Variants in SLC38A9 observed in about 807,000 individuals in gnomAD.
SLC38A9 encodes solute carrier family 38 member 9.
A neutral mutation model predicts 62.3 loss-of-function variants in SLC38A9; 48 were observed. That is an observed-to-expected ratio of 0.77 (90% CI 0.61 to 0.98). The LOEUF (loss-of-function observed/expected upper bound fraction) is 0.98, where lower values mean the gene tolerates loss of function less well. Among genes scored for constraint, SLC38A9 ranks in the 50% least tolerant of loss-of-function variants. The pLI is 0.00. For missense variants in SLC38A9, 541 were observed against 679.8 expected (o/e 0.80, Z 2.27); for synonymous variants, 204 against 227.7 (o/e 0.90, Z 0.94).
At chr5:55,670,215 G>A (rs1318837224) in intron 4 of SLC38A9, among the ~76,000 whole-genome samples, 1 of 151,946 alleles carries the variant, frequency 6.6e-6, no homozygotes, top group Non-Finnish European at 1.5e-5. Flanking sequence ...TGATCCACCC[G>A]CCTCGGCCTC....
At chr5:55,672,323 G>T (rs1751459911) in intron 4 of SLC38A9, among the ~76,000 whole-genome samples, 1 of 152,162 alleles carries the variant, frequency 6.6e-6, no homozygotes, top group Non-Finnish European at 1.5e-5. Context: ...GGGATCAGGA[G>T]AATTTAATCC....
Position 55,684,476 on chromosome 5 carries a change from A to G in SLC38A9, c.114-11781T>C, listed in dbSNP as rs2897882. On this transcript the variant is annotated intron_variant, in intron 3 of 15. Transcript: ENST00000396865. ...TTGAGATGAGTTAAAGTTGGGCTTC[A>G]GTTCCTGAAAGGAGGCCATTCTATT... Among the ~76,000 whole-genome samples, 946 of 151,846 alleles carry G rather than the reference A, an allele frequency of 6.2e-3. 10 individuals are homozygous for G. The highest frequency in any genetic ancestry group is 0.022 in the African/African-American group (917 of 41,452).
chr5:55,639,341 T>C (rs1042858206), intron 12 of SLC38A9, among the ~76,000 whole-genome samples: 1 of 150,560 alleles, frequency 6.6e-6, no homozygotes, highest in African/African-American at 2.4e-5. Context: ...CTGCATTTCG[T>C]GGGAAAAAAA....
intron 8 of SLC38A9, among the ~76,000 whole-genome samples, chr5:55,659,305 GTATA>G (rs1185017467): frequency 8.2e-5 from 12 of 146,746 alleles, no homozygotes; most frequent in Non-Finnish European, 1.6e-4. Flanking sequence ...GTCTGTGTAC[GTATA>G]TATAATTACA....
At chr5:55,645,003 C>T (rs1267065166) in intron 12 of SLC38A9, among the ~76,000 whole-genome samples, 4 of 151,984 alleles carry the variant, frequency 2.6e-5, no homozygotes, top group African/African-American at 4.8e-5. Context: ...TTACTGAGAA[C>T]GGTGATTTCC....
At chr5:55,691,957 G>C (rs1368791767) in intron 3 of SLC38A9, among the ~76,000 whole-genome samples, 3 of 152,278 alleles carry the variant, frequency 2.0e-5, no homozygotes, top group Admixed American at 2.0e-4. Flanking sequence ...CATACTTTCA[G>C]TCCAAAGCAG....
chr5:55,676,289 T>C (rs11746664), intron 3 of SLC38A9, among the ~76,000 whole-genome samples: 90,939 of 151,890 alleles, frequency 0.6, 27,812 homozygotes, highest in South Asian at 0.7. Flanking sequence ...CCTGCCTCAG[T>C]CTCAGCCTCC....
Position 55,649,264 on chromosome 5 carries a change from G to T in SLC38A9, c.1003C>A (p.Arg335Ser). Residue 335 changes from arginine to serine, a missense_variant, in exon 11 of 16, where the codon CGC becomes AGC. Arg to Ser is a moderately radical substitution (Grantham distance 110). Coordinates refer to ENST00000396865, the MANE Select transcript of SLC38A9 (RefSeq NM_173514.4). ...TGAAATTCCAAATGAAATCCCAAGC[G>T]AACAGCCTTAAAGGTGACAAGGAAA... The part of the protein sequence containing the change: ...LIFLVTFKAV[R>S]LGFHLEFHWF... 1 of 1,608,490 alleles carries T rather than the reference G, an allele frequency of 6.2e-7. No homozygotes were observed. Among genetic ancestry groups the T allele is most frequent in the Non-Finnish European group, 8.5e-7 (1 of 1,177,728 alleles).
chr5:55,701,870 C>A (rs1177057419), intron 2 of SLC38A9, among the ~76,000 whole-genome samples: 1 of 152,168 alleles, frequency 6.6e-6, no homozygotes, highest in Admixed American at 6.5e-5. Flanking sequence ...GAATTAAAAA[C>A]GAGGCAGTCT....
chr5:55,699,069 C>A (rs1448572126), intron 2 of SLC38A9, among the ~76,000 whole-genome samples: 8 of 152,052 alleles, frequency 5.3e-5, no homozygotes, highest in Admixed American at 5.2e-4. Context: ...GCCTGGCCAA[C>A]ATGGTGAAAC....
At chr5:55,637,955 T>C (rs1034292160) in intron 12 of SLC38A9, among the ~76,000 whole-genome samples, 1 of 151,386 alleles carries the variant, frequency 6.6e-6, no homozygotes, top group Admixed American at 6.6e-5. Flanking sequence ...TCCAGTGCAA[T>C]TGTGTCATAG....
At chr5:55,669,198 T>C (rs1329310913) in intron 7 of SLC38A9, 30 bp downstream of exon 7, 1 of 1,524,106 alleles carries the variant, frequency 6.6e-7, no homozygotes. Flanking sequence ...TTAATACCCA[T>C]AATCTATTGT....
intron 3 of SLC38A9, among the ~76,000 whole-genome samples, chr5:55,687,161 C>T (rs532352170): frequency 5.3e-5 from 8 of 150,106 alleles, no homozygotes; most frequent in African/African-American, 2.0e-4. Flanking sequence ...TTTTCTAGGC[C>T]GGGCGCGGTG....
intron 3 of SLC38A9, among the ~76,000 whole-genome samples, chr5:55,683,464 G>A (rs537436284): frequency 6.6e-6 from 1 of 152,122 alleles, no homozygotes; most frequent in Non-Finnish European, 1.5e-5. Flanking sequence ...GAATAACTTT[G>A]TTCTCATTAG....
chr5:55,711,983 C>G (rs995532158), intron 1 of SLC38A9, among the ~76,000 whole-genome samples: 21 of 152,350 alleles, frequency 1.4e-4, no homozygotes, highest in African/African-American at 4.8e-4. Flanking sequence ...GGACTCCTGA[C>G]TTTCTTTCCC....
rs779725842 is a variant in SLC38A9 at position 55,645,804 on chromosome 5, CTTG to C, written c.1149_1151del (p.Asn383del). On this transcript the variant is annotated inframe_deletion, in exon 12 of 16. Coordinates refer to ENST00000396865, the MANE Select transcript of SLC38A9 (RefSeq NM_173514.4). The stretch of plus-strand genomic sequence containing the variant: ...AATTACTCACATTGTTTTCTTGTTT[CTTG>C]TTGTTCTTCAAGAGTGTGATGATAC... 1.4e-5 allele frequency: 22 copies of C among 1,604,176 alleles called. No individual in the cohort carries two copies. The Admixed American group carries it at 1.7e-4, about 12-fold the overall frequency.
intron 8 of SLC38A9, among the ~76,000 whole-genome samples, chr5:55,660,046 A>G (rs567646925): frequency 1.5e-3 from 218 of 149,050 alleles, no homozygotes; most frequent in Middle Eastern, 0.01. Flanking sequence ...GATTACAGGC[A>G]TGAGCCACCA....
chr5:55,681,161 C>T (rs1752948255), intron 3 of SLC38A9, among the ~76,000 whole-genome samples: 1 of 152,088 alleles, frequency 6.6e-6, no homozygotes, highest in Admixed American at 6.6e-5. Flanking sequence ...TCTGTTCATA[C>T]CCTTCATTAT....
chr5:55,711,031 G>A (rs1303242173), intron 2 of SLC38A9, among the ~76,000 whole-genome samples: 1 of 151,616 alleles, frequency 6.6e-6, no homozygotes, highest in South Asian at 2.1e-4. Flanking sequence ...AGTGGCCCAC[G>A]CCTGTAATCC....
Sources: gnomAD v4.1 joint callset for allele counts (sites outside exome capture counted in the v4.1 genomes callset) on GRCh38, gnomAD v4.1.1 for gene constraint, MANE v1.5 for transcripts, NCBI Gene and HGNC (gene_info 2026-07-23, HGNC 2026-07-21) for gene names.